ZEB2: variants seen among roughly 807,000 people sequenced by gnomAD.
ZEB2 encodes the protein zinc finger E-box-binding homeobox 2.
In ZEB2, 6 loss-of-function variants were observed where a neutral mutation model predicts 99.9. That is an observed-to-expected ratio of 0.06 (90% confidence interval 0.03 to 0.12). The LOEUF (loss-of-function observed/expected upper bound fraction) is 0.12. ZEB2 is among the 10% of genes least tolerant of loss of function. ZEB2 has a pLI of 1.00. For synonymous variants in ZEB2, 517 were observed against 542.5 expected, an observed-to-expected ratio of 0.95 and a Z score of 0.65; for missense variants, 969 against 1,502.8, an observed-to-expected ratio of 0.64 and a Z score of 5.87.
intron 2 of ZEB2, among the ~76,000 whole-genome samples, chr2:144,468,834 C>A (rs990662284): frequency 1.3e-5 from 2 of 152,090 alleles, no homozygotes; most frequent in African/African-American, 2.4e-5. Flanking sequence ...ATGCTACATG[C>A]CACTCAGGTG....
chr2:144,465,430 G>A (rs1704257982), intron 2 of ZEB2, among the ~76,000 whole-genome samples: 1 of 152,154 alleles, frequency 6.6e-6, no homozygotes, highest in Non-Finnish European at 1.5e-5. Context: ...TGTGGTGGCA[G>A]CCTTGTATCC....
chr2:144,406,348 A>T (rs1200535112), intron 4 of ZEB2, among the ~76,000 whole-genome samples: 1 of 152,256 alleles, frequency 6.6e-6, no homozygotes, highest in Non-Finnish European at 1.5e-5. Context: ...GAGAGAGATT[A>T]ATACAACTGA....
intron 3 of ZEB2, chr2:144,429,401 A>G (rs1198008495): frequency 3.6e-6 from 1 of 281,198 alleles, no homozygotes; most frequent in Non-Finnish European, 7.0e-6. Context: ...TTTTATATAC[A>G]TATATATGTT....
intron 2 of ZEB2, chr2:144,445,204 T>C (rs1307241729): frequency 2.0e-5 from 3 of 151,854 alleles, no homozygotes; most frequent in Non-Finnish European, 4.4e-5. Context: ...GAAATTTTGA[T>C]CTAAGAATGT....
chr2:144,503,782 GT>G (rs1246412522), intron 2 of ZEB2: 5 of 151,990 alleles, frequency 3.3e-5, no homozygotes. Flanking sequence ...ACATCTTAAG[GT>G]TTTGCCATGT....
At chr2:144,432,193 C>A (rs1004381125) in intron 2 of ZEB2, among the ~76,000 whole-genome samples, 1 of 152,164 alleles carries the variant, frequency 6.6e-6, no homozygotes, top group African/African-American at 2.4e-5. Flanking sequence ...GCAATGAAGT[C>A]ATGTCTCACC....
intron 6 of ZEB2, among the ~76,000 whole-genome samples, chr2:144,402,168 G>T (rs1198778338): frequency 1.3e-5 from 2 of 152,078 alleles, no homozygotes; most frequent in Non-Finnish European, 2.9e-5. Context: ...TGACCTTTTT[G>T]AACAAGGGGA....
At chr2:144,468,888 G>A (rs1704312106) in intron 2 of ZEB2, among the ~76,000 whole-genome samples, 1 of 152,072 alleles carries the variant, frequency 6.6e-6, no homozygotes, top group Non-Finnish European at 1.5e-5. Flanking sequence ...GACCTGTTCA[G>A]GGAGGGAAAC....
intron 2 of ZEB2, among the ~76,000 whole-genome samples, chr2:144,445,598 GT>G (rs1432385382): frequency 6.6e-6 from 1 of 152,088 alleles, no homozygotes; most frequent in Non-Finnish European, 1.5e-5. Flanking sequence ...TTTGCTCTCA[GT>G]TGCAAACCAA....
intron 2 of ZEB2, among the ~76,000 whole-genome samples, chr2:144,491,360 A>G (rs1321135695): frequency 1.3e-5 from 2 of 151,898 alleles, no homozygotes; most frequent in Admixed American, 1.3e-4. Context: ...CTCAAGAGAA[A>G]AAAAAAAAAA....
chr2:144,424,410 T>G, intron 4 of ZEB2: 1 of 523,034 alleles, frequency 1.9e-6, no homozygotes. Flanking sequence ...TTACACCTTA[T>G]CATTTGAATT....
chr2:144,445,556 C>G (rs1703972314), intron 2 of ZEB2, among the ~76,000 whole-genome samples: 1 of 152,072 alleles, frequency 6.6e-6, no homozygotes, highest in Non-Finnish European at 1.5e-5. Context: ...AGGAAGCACC[C>G]TAGTCTCACA....
chr2:144,472,680 CTT>C (rs1269326689), intron 2 of ZEB2, among the ~76,000 whole-genome samples: 1 of 152,088 alleles, frequency 6.6e-6, no homozygotes, highest in Non-Finnish European at 1.5e-5. Flanking sequence ...AAAGAGGACA[CTT>C]TGCTACATCA....
At position 144,398,402 on chromosome 2, in the gene ZEB2, T is replaced by C. The variant is rs774228448; in HGVS notation, c.2785A>G (p.Met929Val). Residue 929 changes from methionine (M) to valine (V), a missense_variant, in exon 8 of 10, where the codon ATG becomes GTG. By Grantham distance (21) the Met-to-Val change is conservative. Coordinates refer to ENST00000627532, the MANE Select transcript of ZEB2 (RefSeq NM_014795.4). ...GLRPYPGLDQ[M>V]SFLPHMAYTY... Reference sequence around the variant, plus strand: ...TAGGCCATATGTGGTAGGAAGCTCATCTGATCCAGTCCTGGGTATGGTCGT... The same window carrying C: ...TAGGCCATATGTGGTAGGAAGCTCACCTGATCCAGTCCTGGGTATGGTCGT... 6.2e-7 allele frequency: 1 copy of C among 1,614,100 alleles called. No individual in the cohort carries two copies.
At chr2:144,439,892 A>G (rs1703883231) in intron 2 of ZEB2, among the ~76,000 whole-genome samples, 2 of 152,240 alleles carry the variant, frequency 1.3e-5, no homozygotes, top group African/African-American at 2.4e-5. Context: ...TGTTTTATTC[A>G]GAATCTTTTT....
At chr2:144,486,364 T>C (rs1704597250) in intron 2 of ZEB2, among the ~76,000 whole-genome samples, 2 of 62,708 alleles carry the variant, frequency 3.2e-5, no homozygotes, top group South Asian at 1.8e-3. Flanking sequence ...AATAAGGTAC[T>C]AGAAGGTTTT....
intron 2 of ZEB2, among the ~76,000 whole-genome samples, chr2:144,443,274 A>C (rs988314708): frequency 2.0e-5 from 3 of 152,204 alleles, no homozygotes; most frequent in African/African-American, 7.2e-5. Context: ...TAAAGAATCC[A>C]CAAAGTTTTT....
chr2:144,513,823 C>T (rs1560658798), intron 2 of ZEB2: 1 of 1,535,474 alleles, frequency 6.5e-7, no homozygotes, highest in East Asian at 2.4e-5. Context: ...GGGGTATAAT[C>T]AGGGGAAAGA....
At position 144,389,739 on chromosome 2, in the gene ZEB2, C is replaced by G. The variant is rs1332911302; in HGVS notation, c.3357G>C (p.Gln1119His). The G allele has an allele frequency of 6.2e-7, 1 of 1,611,774 alleles. No homozygotes were observed. Among genetic ancestry groups the G allele is most frequent in the African/African-American group, 1.3e-5 (1 of 74,828 alleles). ...CCCTCTCCTCCGAGTCAGAGTACCC[C>G]TGAGGGGTAATGCTCTGCAAGTAAG... ...NRAYLQSITPQGYSDSEERES... is the reference protein window; with the variant it reads ...NRAYLQSITPHGYSDSEERES... Residue 1119 changes from glutamine (Q) to histidine (H), a missense_variant, in exon 10 of 10, where the codon CAG (glutamine) becomes CAC (histidine). Around this residue, in one of 8 missense-constraint regions of ZEB2, gnomAD observed 121 missense variants for 166.4 expected, o/e 0.73. Transcript: ENST00000627532. The surrounding 1 kb of genome is among the most constrained non-coding windows in gnomAD (Gnocchi z 6.8).
Sources: allele counts gnomAD v4.1 joint callset (sites outside exome capture counted in the v4.1 genomes callset), GRCh38; gene constraint gnomAD v4.1.1; regional missense constraint gnomAD v4.1.1; non-coding constraint Gnocchi (gnomAD v3.1); transcripts MANE v1.5; gene names NCBI Gene and HGNC (gene_info 2026-07-23, HGNC 2026-07-21).